Variants in VPS13D observed in about 807,000 individuals in gnomAD.
The protein encoded by VPS13D is vacuolar protein sorting 13 homolog D.
VPS13D carries 187 observed loss-of-function variants against 461.9 expected under a neutral mutation model. The observed-to-expected ratio is 0.40, with a 90% CI of 0.36 to 0.46. VPS13D has a LOEUF of 0.46. Among genes scored for constraint, VPS13D ranks in the 20% least tolerant of loss-of-function variants. The pLI, the probability that VPS13D is intolerant of heterozygous loss-of-function variation, is 0.60. For synonymous variants in VPS13D, 1,951 were observed against 1,986.3 expected (o/e 0.98, Z 0.47); for missense variants, 4,711 against 5,364.9 (o/e 0.88, Z 3.81).
intron 13 of VPS13D, among the ~76,000 whole-genome samples, chr1:12,265,960 A>G (rs1337957240): frequency 1.3e-5 from 2 of 152,226 alleles, no homozygotes; most frequent in Non-Finnish European, 2.9e-5. Context: ...GGAGTTCACA[A>G]CCAGCCTGGG....
chr1:12,368,396 A>G, intron 52 of VPS13D, 72 bp from the exon 53 acceptor site: 3 of 1,512,612 alleles, frequency 2.0e-6, no homozygotes, highest in South Asian at 1.3e-5. Context: ...ATTGTCAGAA[A>G]TATGAGAAGT....
At chr1:12,311,376 C>A in intron 27 of VPS13D, 78 bp from the exon 28 acceptor site, 1 of 1,386,678 alleles carries the variant, frequency 7.2e-7, no homozygotes. Context: ...ACATTTTAGC[C>A]CCGTTGTTTG....
intron 67 of VPS13D, chr1:12,478,787 T>A (rs1645671255): frequency 2.2e-6 from 1 of 456,086 alleles, no homozygotes. Flanking sequence ...AGTAGCTCTC[T>A]GTTTGTGGTA....
At chr1:12,267,331 C>T (rs1270680951) in intron 14 of VPS13D, among the ~76,000 whole-genome samples, 1 of 152,144 alleles carries the variant, frequency 6.6e-6, no homozygotes, top group African/African-American at 2.4e-5. Context: ...TGCCTTCTGA[C>T]CCTTAGTTAC....
chr1:12,268,766 A>G lies in VPS13D; in HGVS notation c.1862A>G (p.His621Arg), dbSNP rs896659774. The G allele has an allele frequency of 6.2e-7, 1 of 1,614,144 alleles. No homozygotes were observed. Among genetic ancestry groups the G allele is most frequent in the Non-Finnish European group, 8.5e-7 (1 of 1,180,008 alleles). The change falls in exon 16 of 70, where the codon CAC (histidine) becomes CGC (arginine). Residue 621 changes from histidine to arginine, a missense_variant. Around this residue, in one of 3 missense-constraint regions of VPS13D, gnomAD observed 4,411 missense variants for 4,937.8 expected, o/e 0.89. Coordinates refer to ENST00000620676, the MANE Select transcript of VPS13D (RefSeq NM_015378.4). ...MLYERNPAHS[H>R]FERRLNVSTR... ...TATGAGAGAAATCCGGCGCACAGCCACTTTGAGAGGCGGCTCAATGTCAGC... is the reference window on the plus strand; with the variant it reads ...TATGAGAGAAATCCGGCGCACAGCCGCTTTGAGAGGCGGCTCAATGTCAGC...
In VPS13D at chr1:12,367,883, A is replaced by G. The variant is rs193125404; in HGVS notation, c.10449-585A>G. 9.8e-3 allele frequency among the ~76,000 whole-genome samples: 1,496 copies of G among 152,294 alleles called. 18 individuals carry two copies. The highest frequency in any genetic ancestry group is 0.034 in the African/African-American group (1,396 of 41,564). ...CAGCCTCCCGAAGTGCTGGGATTAC[A>G]GGCGTGAGCCACCACACCCGGCTGC... On this transcript the variant is annotated intron_variant, in intron 52 of 69. Transcript: ENST00000620676.
chr1:12,391,479 G>A (rs1044547560), intron 60 of VPS13D, among the ~76,000 whole-genome samples: 2 of 147,770 alleles, frequency 1.4e-5, no homozygotes, highest in Admixed American at 6.7e-5. Context: ...GGACCTGCTC[G>A]AGCCCAATCA....
intron 37 of VPS13D, 61 bp from the exon 38 acceptor site, chr1:12,333,165 T>G: frequency 6.4e-7 from 1 of 1,560,244 alleles, no homozygotes; most frequent in Non-Finnish European, 8.7e-7. Flanking sequence ...TTGCGAGCAG[T>G]GTTCCCCTAT....
intron 67 of VPS13D, among the ~76,000 whole-genome samples, chr1:12,489,418 C>T (rs1345690672): frequency 1.3e-5 from 2 of 152,196 alleles, no homozygotes; most frequent in African/African-American, 2.4e-5. Context: ...TTAACAATAT[C>T]AATATAATTT....
intron 35 of VPS13D, among the ~76,000 whole-genome samples, chr1:12,326,517 T>C (rs1291579903): frequency 6.6e-6 from 1 of 151,918 alleles, no homozygotes; most frequent in African/African-American, 2.4e-5. Flanking sequence ...TTAAATTTTT[T>C]GTAGAGACAG....
chr1:12,313,701 T>C (rs1365113085), intron 29 of VPS13D, among the ~76,000 whole-genome samples: 2 of 152,152 alleles, frequency 1.3e-5, no homozygotes, highest in East Asian at 3.8e-4. Context: ...CATAAACAGT[T>C]GGACAGACCC....
At position 12,473,893 on chromosome 1, in the gene VPS13D, T is replaced by G. The variant is rs1008438173; in HGVS notation, c.12662+13497T>G. On this transcript the variant is annotated intron_variant, in intron 67 of 69. Transcript: ENST00000620676. The surrounding 1 kb of genome is among the most constrained non-coding windows in gnomAD (Gnocchi z 4.2). ...GTTGAGTTGCTGGGTGGAGGGACTC[T>G]CCTGGGCTCTGAGCCTTTGTGTGTG... is the stretch of plus-strand genomic sequence containing the variant. 6.6e-5 allele frequency among the ~76,000 whole-genome samples: 10 copies of G among 152,168 alleles called. No homozygotes were observed. The South Asian group carries it at 8.3e-4, about 13-fold the overall frequency.
chr1:12,488,402 A>ACTGAAGTGTTAAT (rs1645830265), intron 67 of VPS13D, among the ~76,000 whole-genome samples: 1 of 152,162 alleles, frequency 6.6e-6, no homozygotes, highest in Non-Finnish European at 1.5e-5. Flanking sequence ...CTTCAGTGTC[A>ACTGAAGTGTTAAT]CCCAGCTAAT....
intron 65 of VPS13D, among the ~76,000 whole-genome samples, chr1:12,423,061 C>T (rs1344290846): frequency 6.6e-6 from 1 of 152,116 alleles, no homozygotes; most frequent in African/African-American, 2.4e-5. Context: ...CCGTCATTCT[C>T]GTGTTAGGTT....
At position 12,327,641 on chromosome 1, in the gene VPS13D, T is replaced by A; in HGVS notation, c.7991-7T>A. On this transcript the variant is annotated splice_polypyrimidine_tract_variant and splice_region_variant and intron_variant, in intron 35 of 69. Transcript: ENST00000620676. ...GTAGAACTGATCACTTCTTAATTTCTTTGAAGGCCAATTGAAAAAGGCAGC... is the reference window on the plus strand; with the variant it reads ...GTAGAACTGATCACTTCTTAATTTCATTGAAGGCCAATTGAAAAAGGCAGC... The A allele has an allele frequency of 1.9e-6, 3 of 1,613,900 alleles. No homozygotes were observed. In the South Asian group the frequency reaches 3.3e-5, roughly 18 times the overall value.
chr1:12,468,920 G>T (rs1645527962), intron 67 of VPS13D, among the ~76,000 whole-genome samples: 1 of 151,934 alleles, frequency 6.6e-6, no homozygotes, highest in African/African-American at 2.4e-5. Flanking sequence ...TGTGGTCCCA[G>T]CTACTCCAGA....
chr1:12,363,412 A>C (rs1643980313), intron 52 of VPS13D, among the ~76,000 whole-genome samples, 165 bp downstream of exon 52: 1 of 152,192 alleles, frequency 6.6e-6, no homozygotes, highest in African/African-American at 2.4e-5. Context: ...TGATGGAATA[A>C]ACTAAAGGAG....
intron 24 of VPS13D, among the ~76,000 whole-genome samples, chr1:12,298,618 G>A (rs1642340773): frequency 6.6e-6 from 1 of 151,276 alleles, no homozygotes; most frequent in Non-Finnish European, 1.5e-5. Flanking sequence ...CTCCAGCCTG[G>A]GCAACACAGC....
chr1:12,278,282 T>C (rs1641675832), intron 19 of VPS13D, among the ~76,000 whole-genome samples: 1 of 152,164 alleles, frequency 6.6e-6, no homozygotes. Context: ...ATTTTTTTGG[T>C]TTTTTGAGAC....
Sources: gnomAD v4.1 joint callset for allele counts (sites outside exome capture counted in the v4.1 genomes callset) on GRCh38, gnomAD v4.1.1 for gene constraint, gnomAD v4.1.1 regional missense constraint, Gnocchi (gnomAD v3.1) non-coding constraint, MANE v1.5 for transcripts, NCBI Gene and HGNC (gene_info 2026-07-23, HGNC 2026-07-21) for gene names.